EIPR1: variants seen among roughly 807,000 people sequenced by gnomAD.
The protein encoded by EIPR1 is EARP and GARP complex-interacting protein 1.
A neutral mutation model predicts 48.1 loss-of-function variants in EIPR1; 25 were observed. The observed-to-expected ratio is 0.52, with a 90% CI of 0.38 to 0.73. EIPR1 has a LOEUF of 0.73. EIPR1 is among the 30% of genes least tolerant of loss of function. The pLI is 0.00. For synonymous variants in EIPR1, 204 were observed against 201.9 expected (o/e 1.01, Z -0.09); for missense variants, 415 against 506.2 (o/e 0.82, Z 1.73).
chr2:3,367,562 G>A (rs1227394433), intron 1 of EIPR1, among the ~76,000 whole-genome samples: 5 of 152,094 alleles, frequency 3.3e-5, no homozygotes, highest in African/African-American at 9.7e-5. Flanking sequence ...ATATTAACGT[G>A]AAAATTTTCA....
intron 5 of EIPR1, among the ~76,000 whole-genome samples, chr2:3,205,864 A>G (rs1665216377): frequency 6.6e-6 from 1 of 152,258 alleles, no homozygotes; most frequent in Non-Finnish European, 1.5e-5. Flanking sequence ...TATAAGGATT[A>G]AAGGAGATAA....
intron 4 of EIPR1, among the ~76,000 whole-genome samples, chr2:3,235,734 A>T (rs1362012515): frequency 9.2e-5 from 14 of 152,258 alleles, no homozygotes; most frequent in Admixed American, 9.2e-4. Flanking sequence ...AATACAAATG[A>T]ACAAAATTAC....
chr2:3,194,162 T>C lies in EIPR1; in HGVS notation c.658A>G (p.Ile220Val). ...RGWDTRSMSQ[I>V]YCIENAHGQL... ...CCGTGGGCATTCTCTATGCAGTAGA[T>C]CTGGCTGAGGGAGAAGGAAGAACAG... Residue 220 changes from isoleucine to valine, a missense_variant, in exon 7 of 9, where the codon ATC (isoleucine) becomes GTC (valine). By Grantham distance (29) the Ile-to-Val change is conservative (BLOSUM62 3). Transcript: ENST00000382125. 1.2e-6 allele frequency: 2 copies of C among 1,613,610 alleles called. No individual in the cohort carries two copies. The highest frequency in any genetic ancestry group is 1.7e-6 in the Non-Finnish European group (2 of 1,179,842).
At chr2:3,361,642 C>T (rs1171883849) in intron 1 of EIPR1, among the ~76,000 whole-genome samples, 1 of 152,160 alleles carries the variant, frequency 6.6e-6, no homozygotes, top group Non-Finnish European at 1.5e-5. Context: ...CTGACCTCCA[C>T]TCAGTCATCA....
At position 3,337,239 on chromosome 2, in the gene EIPR1, C is replaced by T. The variant is rs149641621; in HGVS notation, c.259+778G>A. ...TGACCAGCTTGATATATGAGCCATG[C>T]AATCCCTACACATCAATATTCTGAA... On this transcript the variant is annotated intron_variant, in intron 3 of 8. Coordinates refer to ENST00000382125, the MANE Select transcript of EIPR1 (RefSeq NM_003310.5). Among the ~76,000 whole-genome samples the T allele has an allele frequency of 3.0e-3, 459 of 152,222 alleles. 3 individuals carry two copies. The highest frequency in any genetic ancestry group is 0.011 in the African/African-American group (443 of 41,526).
At chr2:3,321,400 C>G (rs1407565835) in intron 3 of EIPR1, among the ~76,000 whole-genome samples, 1 of 152,166 alleles carries the variant, frequency 6.6e-6, no homozygotes, top group Non-Finnish European at 1.5e-5. Context: ...CCTCTGCCCC[C>G]GCCGCCCCGT....
intron 3 of EIPR1, among the ~76,000 whole-genome samples, chr2:3,296,558 T>TAC (rs1169597708): frequency 2.8e-5 from 3 of 107,840 alleles, no homozygotes; most frequent in African/African-American, 1.1e-4. Flanking sequence ...ATCCTCTGTA[T>TAC]ACACACACAC....
intron 1 of EIPR1, 91 bp from the exon 2 acceptor site, chr2:3,354,724 C>G: frequency 8.0e-7 from 1 of 1,251,698 alleles, no homozygotes; most frequent in Admixed American, 1.9e-5. Context: ...TTTATCTCAT[C>G]TACTGTTGAT....
rs746449273 is a variant in EIPR1 at position 3,194,028 on chromosome 2, G to A, written c.792C>T (p.Pro264=). 97 of 1,613,694 alleles carry A rather than the reference G, an allele frequency of 6.0e-5. No individual in the cohort carries two copies. Among genetic ancestry groups the A allele is most frequent in the Non-Finnish European group, 7.3e-5 (86 of 1,180,008 alleles). The part of the protein sequence containing the change: ...KFWDTRNVTE[P]VKTLEEHSHW... ...GGGAGTGCTCCTCCAGGGTCTTCAC[G>A]GGTTCGGTGACATTTCGGGTGTCCC... Residue 264 remains proline (P), a synonymous_variant, in exon 7 of 9, where the codon CCC becomes CCT. Transcript: ENST00000382125.
intron 5 of EIPR1, among the ~76,000 whole-genome samples, chr2:3,207,422 C>A (rs1215968784): frequency 1.3e-5 from 2 of 152,232 alleles, no homozygotes; most frequent in African/African-American, 4.8e-5. Flanking sequence ...CCCACTCACC[C>A]GTGCCTGTCC....
At chr2:3,211,631 TC>T (rs961111673) in intron 5 of EIPR1, among the ~76,000 whole-genome samples, 66 of 152,334 alleles carry the variant, frequency 4.3e-4, no homozygotes, top group African/African-American at 1.3e-3. Flanking sequence ...AACACTGTGT[TC>T]CTGAAGCATA....
intron 4 of EIPR1, among the ~76,000 whole-genome samples, chr2:3,231,310 T>C (rs1429602331): frequency 6.6e-6 from 1 of 152,186 alleles, no homozygotes; most frequent in Non-Finnish European, 1.5e-5. Flanking sequence ...TCCTTTCTGA[T>C]CTGGATGCTT....
chr2:3,236,174 G>A lies in EIPR1; in HGVS notation c.416+21125C>T, dbSNP rs183043522. Among the ~76,000 whole-genome samples the A allele has an allele frequency of 5.7e-3, 864 of 152,216 alleles. 3 individuals are homozygous for A. The highest frequency in any genetic ancestry group is 0.02 in the Middle Eastern group (6 of 294). ...GCAGGGAGGCTGTCATGACATCGCC[G>A]TACGTGTACTGTATGTTAAAGTCTA... On this transcript the variant is annotated intron_variant, in intron 4 of 8. Transcript: ENST00000382125.
chr2:3,219,348 A>T (rs1665780757), intron 4 of EIPR1, among the ~76,000 whole-genome samples: 1 of 145,302 alleles, frequency 6.9e-6, no homozygotes, highest in Admixed American at 6.9e-5. Flanking sequence ...AATCTAGAGC[A>T]TTCACAGTGA....
chr2:3,326,287 C>T (rs756639612), intron 3 of EIPR1, among the ~76,000 whole-genome samples: 9 of 152,182 alleles, frequency 5.9e-5, no homozygotes, highest in Non-Finnish European at 1.3e-4. Flanking sequence ...GCCCATTTTA[C>T]AGATGAACGC....
chr2:3,210,075 G>C (rs1190033408), intron 5 of EIPR1, among the ~76,000 whole-genome samples: 1 of 152,020 alleles, frequency 6.6e-6, no homozygotes, highest in Admixed American at 6.6e-5. Context: ...GATAACAAAG[G>C]TCCCACGCCA....
At chr2:3,238,262 C>T (rs1386770658) in intron 4 of EIPR1, among the ~76,000 whole-genome samples, 1 of 152,192 alleles carries the variant, frequency 6.6e-6, no homozygotes, top group Non-Finnish European at 1.5e-5. Context: ...AGCTCAGGAC[C>T]GGAGTCACCA....
intron 1 of EIPR1, among the ~76,000 whole-genome samples, chr2:3,367,765 T>C (rs1671010753): frequency 6.6e-6 from 1 of 152,154 alleles, no homozygotes; most frequent in African/African-American, 2.4e-5. Context: ...ACTTAATCTC[T>C]CGGCTGGGTG....
intron 3 of EIPR1, among the ~76,000 whole-genome samples, chr2:3,302,303 G>C (rs1209519375): frequency 6.6e-6 from 1 of 152,058 alleles, no homozygotes. Flanking sequence ...GTGAAGCCTG[G>C]GCAGCACAGC....
Sources: allele counts gnomAD v4.1 joint callset (sites outside exome capture counted in the v4.1 genomes callset), GRCh38; gene constraint gnomAD v4.1.1; transcripts MANE v1.5; gene names NCBI Gene and HGNC (gene_info 2026-07-23, HGNC 2026-07-21).